The following MYO10 variants were observed in gnomAD, a reference collection of about 807,000 sequenced individuals.
The protein encoded by MYO10 is myosin X, also known as unconventional myosin-X.
Under a neutral mutation model 257.3 loss-of-function variants are expected in MYO10, and 133 were observed. The observed-to-expected ratio is 0.52, with a 90% CI of 0.45 to 0.60. MYO10 has a LOEUF of 0.60. Among genes scored for constraint, MYO10 ranks in the 20% least tolerant of loss-of-function variants. The pLI is 0.00. For missense variants in MYO10, 2,399 were observed against 2,635.7 expected (o/e 0.91, Z 1.97); for synonymous variants, 1,104 against 1,028.6 (o/e 1.07, Z -1.40).
At chr5:16,882,154 T>A (rs1409225240) in intron 1 of MYO10, among the ~76,000 whole-genome samples, 5 of 152,188 alleles carry the variant, frequency 3.3e-5, no homozygotes, top group Non-Finnish European at 7.3e-5. Context: ...TATCCCCCTT[T>A]GAACTTTAAA....
chr5:16,755,899 A>G (rs1381115473), intron 18 of MYO10, among the ~76,000 whole-genome samples: 1 of 152,096 alleles, frequency 6.6e-6, no homozygotes, highest in African/African-American at 2.4e-5. Flanking sequence ...CTCCAGCAGC[A>G]TTTCAGTATG....
At chr5:16,684,035 G>GA in intron 29 of MYO10, 100 bp from the exon 30 acceptor site, 2 of 1,074,744 alleles carry the variant, frequency 1.9e-6, no homozygotes, top group Non-Finnish European at 2.8e-6. Context: ...AGACAGAAAA[G>GA]GCTCTTTTCT....
chr5:16,790,347 C>CT (rs1255313199), intron 4 of MYO10, among the ~76,000 whole-genome samples: 2 of 152,088 alleles, frequency 1.3e-5, no homozygotes, highest in Non-Finnish European at 2.9e-5. Flanking sequence ...CAGGCCTTGT[C>CT]TGTATTATAC....
At chr5:16,883,928 T>C (rs1744825660) in intron 1 of MYO10, among the ~76,000 whole-genome samples, 1 of 152,230 alleles carries the variant, frequency 6.6e-6, no homozygotes, top group Non-Finnish European at 1.5e-5. Flanking sequence ...GAGAACATTC[T>C]TTAGCCAAAC....
chr5:16,770,799 C>A (rs11948537), intron 9 of MYO10, among the ~76,000 whole-genome samples: 2 of 152,202 alleles, frequency 1.3e-5, no homozygotes, highest in Non-Finnish European at 2.9e-5. Flanking sequence ...GATGGAGTTT[C>A]GCTGTTTCGC....
chr5:16,920,683 A>G (rs1323993695), intron 1 of MYO10, among the ~76,000 whole-genome samples: 1 of 152,250 alleles, frequency 6.6e-6, no homozygotes, highest in Non-Finnish European at 1.5e-5. Context: ...TAAGGCCTGT[A>G]GACTGCAGGA....
chr5:16,828,149 T>C (rs555750122), intron 2 of MYO10, among the ~76,000 whole-genome samples: 9 of 152,138 alleles, frequency 5.9e-5, no homozygotes, highest in African/African-American at 1.9e-4. Flanking sequence ...TGCTGAGGCT[T>C]AGATTGGTGA....
At chr5:16,818,371 T>C (rs879490784) in intron 2 of MYO10, among the ~76,000 whole-genome samples, 11 of 100,558 alleles carry the variant, frequency 1.1e-4, no homozygotes, top group Non-Finnish European at 2.2e-4. Context: ...TATGTGTGTG[T>C]GTGTGTGTGC....
intron 1 of MYO10, among the ~76,000 whole-genome samples, chr5:16,900,253 TAGC>T (rs1745341035): frequency 1.3e-5 from 2 of 152,142 alleles, no homozygotes; most frequent in African/African-American, 4.8e-5. Flanking sequence ...ATATGCCAAA[TAGC>T]AGAAAAATAT....
chr5:16,853,344 A>G (rs1743866416), intron 2 of MYO10, among the ~76,000 whole-genome samples: 3 of 151,912 alleles, frequency 2.0e-5, no homozygotes, highest in Admixed American at 2.0e-4. Flanking sequence ...ACTGCACTCC[A>G]GCCTGGGCGA....
chr5:16,781,858 C>T lies in MYO10; in HGVS notation c.603-29G>A, dbSNP rs1741434894. 2.5e-6 allele frequency: 4 copies of T among 1,612,516 alleles called. No individual in the cohort carries two copies. In the Middle Eastern group the frequency reaches 5.0e-4, roughly 200 times the overall value. ...TGAAGACAGTGAGGGCAGCAGACAGCATTAATAAGGGTGGGTCTGAAGACA... is the reference window on the plus strand; with the variant it reads ...TGAAGACAGTGAGGGCAGCAGACAGTATTAATAAGGGTGGGTCTGAAGACA... On this transcript the variant is annotated intron_variant, in intron 5 of 40. Transcript: ENST00000513610.
At chr5:16,742,245 C>T (rs886980225) in intron 19 of MYO10, 2 of 985,334 alleles carry the variant, frequency 2.0e-6, no homozygotes, top group South Asian at 4.7e-5. Flanking sequence ...GAGCTTCACT[C>T]GCTGCAATTT....
chr5:16,890,730 C>T (rs1049869497), intron 1 of MYO10, among the ~76,000 whole-genome samples: 5 of 151,694 alleles, frequency 3.3e-5, no homozygotes, highest in Admixed American at 6.6e-5. Flanking sequence ...ACCCCAGCTA[C>T]TCTGGAGGCT....
chr5:16,928,329 C>T (rs746036091), intron 1 of MYO10, among the ~76,000 whole-genome samples: 1 of 151,996 alleles, frequency 6.6e-6, no homozygotes. Context: ...CAAGTAGTTG[C>T]GATTACAGGC....
intron 33 of MYO10, among the ~76,000 whole-genome samples, chr5:16,677,372 A>G (rs1736775136): frequency 6.6e-6 from 1 of 151,844 alleles, no homozygotes; most frequent in Admixed American, 6.6e-5. Flanking sequence ...TCTAAATTCA[A>G]ATTGATTCAA....
chr5:16,711,717 G>A (rs1268535053), intron 19 of MYO10, among the ~76,000 whole-genome samples: 6 of 152,076 alleles, frequency 3.9e-5, no homozygotes, highest in Non-Finnish European at 5.9e-5. Context: ...GGGAGGCAGA[G>A]GTTGCAGTGA....
At chr5:16,860,304 A>G (rs371806949) in intron 2 of MYO10, among the ~76,000 whole-genome samples, 78 of 152,302 alleles carry the variant, frequency 5.1e-4, no homozygotes, top group African/African-American at 1.8e-3. Context: ...TAAATAGCAA[A>G]TAAGTGGAAA....
At chr5:16,807,788 T>A (rs1742322342) in intron 3 of MYO10, among the ~76,000 whole-genome samples, 1 of 152,200 alleles carries the variant, frequency 6.6e-6, no homozygotes, top group African/African-American at 2.4e-5. Context: ...AGCACCTCAG[T>A]GAGGAATCAT....
chr5:16,740,143 T>G (rs895488717), intron 19 of MYO10, among the ~76,000 whole-genome samples: 1 of 152,084 alleles, frequency 6.6e-6, no homozygotes, highest in Non-Finnish European at 1.5e-5. Flanking sequence ...ACCCCTAACC[T>G]CTGGTCTCCA....
Sources: allele counts gnomAD v4.1 joint callset (sites outside exome capture counted in the v4.1 genomes callset), GRCh38; gene constraint gnomAD v4.1.1; transcripts MANE v1.5; gene names NCBI Gene and HGNC (gene_info 2026-07-23, HGNC 2026-07-21).